Variants in TMCC1 observed in about 807,000 individuals in gnomAD.
TMCC1 encodes transmembrane and coiled-coil domain family 1.
TMCC1 carries 15 observed loss-of-function variants against 52.4 expected under a neutral mutation model. That is an observed-to-expected ratio of 0.29 (90% CI 0.19 to 0.44). The LOEUF (loss-of-function observed/expected upper bound fraction) is 0.44, where lower values mean the gene tolerates loss of function less well. Among genes scored for constraint, TMCC1 ranks in the 20% least tolerant of loss-of-function variants. The pLI is 1.00. For missense variants in TMCC1, 503 were observed against 806.0 expected (o/e 0.62, Z 4.55); for synonymous variants, 279 against 301.9 (o/e 0.92, Z 0.79).
At chr3:129,667,908 G>C (rs1224552046) in intron 5 of TMCC1, among the ~76,000 whole-genome samples, 1 of 152,044 alleles carries the variant, frequency 6.6e-6, no homozygotes, top group Non-Finnish European at 1.5e-5. Context: ...AGGAGTTGAC[G>C]GGGTATGGTG....
chr3:129,659,485 G>A (rs2086884379), intron 5 of TMCC1, among the ~76,000 whole-genome samples: 1 of 152,134 alleles, frequency 6.6e-6, no homozygotes, highest in Non-Finnish European at 1.5e-5. Flanking sequence ...AGGGGGGCAA[G>A]GAGGTACACA....
At chr3:129,775,624 A>G (rs1329580772) in intron 4 of TMCC1, among the ~76,000 whole-genome samples, 2 of 152,168 alleles carry the variant, frequency 1.3e-5, no homozygotes, top group Non-Finnish European at 2.9e-5. Context: ...ACCACGTTAA[A>G]TATTGGATAA....
intron 1 of TMCC1, among the ~76,000 whole-genome samples, chr3:129,888,241 T>C (rs2108014421): frequency 6.6e-6 from 1 of 152,356 alleles, no homozygotes; most frequent in South Asian, 2.1e-4. Flanking sequence ...ATGATACATG[T>C]GGTAATGAAT....
intron 6 of TMCC1, among the ~76,000 whole-genome samples, chr3:129,652,624 G>A (rs2086411683): frequency 6.6e-6 from 1 of 152,198 alleles, no homozygotes; most frequent in South Asian, 2.1e-4. Flanking sequence ...ATTAACTGGT[G>A]TTAATGTGGC....
intron 4 of TMCC1, among the ~76,000 whole-genome samples, chr3:129,823,275 G>A (rs1018666803): frequency 1.2e-4 from 18 of 152,034 alleles, no homozygotes; most frequent in Non-Finnish European, 2.6e-4. Context: ...GAAGTGAGCC[G>A]AGATCACGCC....
At position 129,849,825 on chromosome 3, in the gene TMCC1, C is replaced by CACACACATACATATATACATAAA. The variant is rs1271750910; in HGVS notation, c.-183-17000_-183-16999insTTTATGTATATATGTATGTGTGT. Reference sequence around the variant, plus strand: ...ATACACACACACATACATATATACACCCATGTATATATATGTATGTGTGTG... The same window carrying CACACACATACATATATACATAAA: ...ATACACACACACATACATATATACACACACACATACATATATACATAAACCATGTATATATATGTATGTGTGTG... On this transcript the variant is annotated intron_variant, in intron 2 of 6. Transcript: ENST00000393238. Among the ~76,000 whole-genome samples, 12 of 151,506 alleles carry CACACACATACATATATACATAAA rather than the reference C, an allele frequency of 7.9e-5. No homozygotes were observed. In the East Asian group the frequency reaches 1.6e-3, roughly 20 times the overall value.
At chr3:129,706,236 G>T (rs939483430) in intron 4 of TMCC1, among the ~76,000 whole-genome samples, 1 of 151,262 alleles carries the variant, frequency 6.6e-6, no homozygotes, top group African/African-American at 2.4e-5. Flanking sequence ...ATGGAGTCTT[G>T]CTCTGTCACC....
chr3:129,774,760 A>C (rs2054888811), intron 4 of TMCC1, among the ~76,000 whole-genome samples: 1 of 152,208 alleles, frequency 6.6e-6, no homozygotes. Context: ...GAACGAGTGT[A>C]AAACAGCTAG....
At chr3:129,681,887 AAC>A (rs1442328767) in intron 4 of TMCC1, among the ~76,000 whole-genome samples, 3 of 151,434 alleles carry the variant, frequency 2.0e-5, no homozygotes, top group Non-Finnish European at 2.9e-5. Context: ...CAGCCTGGAC[AAC>A]AGTGAGACTT....
chr3:129,822,646 T>TGA (rs1231309269), intron 4 of TMCC1, among the ~76,000 whole-genome samples: 1 of 152,200 alleles, frequency 6.6e-6, no homozygotes, highest in Non-Finnish European at 1.5e-5. Context: ...TTCTCTGGCA[T>TGA]GCTCAACCAG....
At chr3:129,654,706 A>G (rs1373202939) in intron 6 of TMCC1, among the ~76,000 whole-genome samples, 1 of 152,220 alleles carries the variant, frequency 6.6e-6, no homozygotes, top group East Asian at 1.9e-4. Flanking sequence ...ATGGACAAAT[A>G]GGATTCATGT....
intron 4 of TMCC1, among the ~76,000 whole-genome samples, chr3:129,767,703 C>G (rs1353056464): frequency 2.6e-5 from 4 of 152,156 alleles, no homozygotes; most frequent in Non-Finnish European, 5.9e-5. Context: ...CTTTCTGTCT[C>G]TCTAGATTTG....
intron 4 of TMCC1, among the ~76,000 whole-genome samples, chr3:129,765,637 A>T: frequency 6.6e-6 from 1 of 152,176 alleles, no homozygotes; most frequent in East Asian, 1.9e-4. Flanking sequence ...ATATAAGAGA[A>T]GTATCTCCTA....
In TMCC1 at chr3:129,750,570, A is replaced by AT. The variant is rs374554261; in HGVS notation, c.576+77232dup. Among the ~76,000 whole-genome samples, 299 of 89,908 alleles carry AT rather than the reference A, an allele frequency of 3.3e-3. 7 individuals are homozygous for AT. The highest frequency in any genetic ancestry group is 0.013 in the African/African-American group (286 of 22,860). 59.0% of individuals were successfully genotyped at this position (89,908 alleles called of 152,430 possible). On this transcript the variant is annotated intron_variant, in intron 4 of 6. Coordinates refer to ENST00000393238, the MANE Select transcript of TMCC1 (RefSeq NM_001017395.5). ...GGCTATCCTACGGAAATAGATCTAAATTTTTTTTTTTTTTTTTTTTTTTGA... is the reference window on the plus strand; with the variant it reads ...GGCTATCCTACGGAAATAGATCTAAATTTTTTTTTTTTTTTTTTTTTTTTGA...
intron 5 of TMCC1, among the ~76,000 whole-genome samples, chr3:129,666,604 G>C (rs1159441014): frequency 6.6e-6 from 1 of 152,058 alleles, no homozygotes; most frequent in African/African-American, 2.4e-5. Flanking sequence ...GCTGGGCGTG[G>C]TGGCAGACAC....
At chr3:129,763,219 T>A (rs866087845) in intron 4 of TMCC1, among the ~76,000 whole-genome samples, 1,973 of 103,202 alleles carry the variant, frequency 0.019, 93 homozygotes, top group African/African-American at 0.029. Context: ...AATAAATAAA[T>A]AAATAAATAA....
rs116825271 is a variant in TMCC1, at chr3:129,868,079, G to A, written c.-184+12230C>T. Among the ~76,000 whole-genome samples the A allele has an allele frequency of 2.0e-3, 310 of 152,220 alleles. 1 individual carries two copies. Among genetic ancestry groups the A allele is most frequent in the East Asian group, 7.3e-3 (38 of 5,176 alleles). On this transcript the variant is annotated intron_variant, in intron 2 of 6. Coordinates refer to ENST00000393238, the MANE Select transcript of TMCC1 (RefSeq NM_001017395.5). ...GCTCACATTCTAAGGAAATCCCTGT[G>A]TTACAAGAAGACAACGCCCACATCT...
At chr3:129,709,497 A>AAGAGAGAGAGAG in intron 4 of TMCC1, among the ~76,000 whole-genome samples, 1 of 64,030 alleles carries the variant, frequency 1.6e-5, no homozygotes, top group Non-Finnish European at 2.6e-5. Flanking sequence ...AAAAAAAAAA[A>AAGAGAGAGAGAG]AGAGAGAGAG....
intron 4 of TMCC1, among the ~76,000 whole-genome samples, chr3:129,746,360 A>G (rs1206428374): frequency 6.7e-6 from 1 of 148,924 alleles, no homozygotes; most frequent in African/African-American, 2.5e-5. Flanking sequence ...TTTTTTTTTT[A>G]AGTACAGACG....
Sources: allele counts gnomAD v4.1 joint callset (sites outside exome capture counted in the v4.1 genomes callset), GRCh38; gene constraint gnomAD v4.1.1; transcripts MANE v1.5; gene names NCBI Gene and HGNC (gene_info 2026-07-23, HGNC 2026-07-21).